The following TGS1 variants were observed in gnomAD, a reference collection of about 807,000 sequenced individuals.
TGS1 encodes trimethylguanosine synthase 1.
TGS1 carries 69 observed loss-of-function variants against 92.2 expected under a neutral mutation model. That is an observed-to-expected ratio of 0.75 (90% CI 0.62 to 0.91). TGS1 has a LOEUF of 0.91. Ranked by LOEUF, TGS1 falls within the 40% of genes least tolerant of loss-of-function variation. TGS1 has a pLI of 0.00. For missense variants in TGS1, 1,062 were observed against 1,001.2 expected, an observed-to-expected ratio of 1.06 and a Z score of -0.82; for synonymous variants, 345 against 338.1, an observed-to-expected ratio of 1.02 and a Z score of -0.22.
intron 12 of TGS1, among the ~76,000 whole-genome samples, chr8:55,814,671 A>AT (rs1563469575): frequency 5.1e-4 from 69 of 134,788 alleles, no homozygotes; most frequent in African/African-American, 2.0e-3. Flanking sequence ...AAAAAAAAAA[A>AT]AAAATATATA....
intron 1 of TGS1, among the ~76,000 whole-genome samples, chr8:55,776,880 T>G (rs753832121): frequency 3.3e-5 from 5 of 152,218 alleles, no homozygotes; most frequent in African/African-American, 4.8e-5. Flanking sequence ...CATTTGGGAC[T>G]TGTCTTCAAC....
At chr8:55,779,909 C>CT (rs1393209093) in intron 1 of TGS1, among the ~76,000 whole-genome samples, 3 of 145,192 alleles carry the variant, frequency 2.1e-5, no homozygotes, top group Non-Finnish European at 4.5e-5. Context: ...GAGTCTTGCT[C>CT]TGTCGCCCAG....
chr8:55,820,410 C>G (rs532000026), intron 12 of TGS1, among the ~76,000 whole-genome samples: 1 of 151,918 alleles, frequency 6.6e-6, no homozygotes, highest in Admixed American at 6.6e-5. Context: ...TAGCCAGGTG[C>G]GCCAGTAATC....
intron 10 of TGS1, among the ~76,000 whole-genome samples, chr8:55,807,804 C>T (rs886494091): frequency 2.6e-5 from 4 of 152,064 alleles, no homozygotes; most frequent in Admixed American, 2.0e-4. Context: ...GCTGGAATTA[C>T]AGGCATGAGC....
intron 10 of TGS1, among the ~76,000 whole-genome samples, chr8:55,807,911 T>G (rs561054809): frequency 6.6e-6 from 1 of 152,340 alleles, no homozygotes; most frequent in East Asian, 1.9e-4. Flanking sequence ...AATGATAGTT[T>G]CATTTCAACA....
chr8:55,820,538 AAAAAC>A (rs1439965116), intron 12 of TGS1, among the ~76,000 whole-genome samples: 2 of 152,158 alleles, frequency 1.3e-5, no homozygotes, highest in Non-Finnish European at 2.9e-5. Flanking sequence ...ACTCGTCTCA[AAAAAC>A]AAAACAAAAC....
At chr8:55,809,775 A>G (rs930633256) in intron 10 of TGS1, among the ~76,000 whole-genome samples, 7 of 152,214 alleles carry the variant, frequency 4.6e-5, no homozygotes, top group African/African-American at 1.4e-4. Context: ...TTCCATTCTT[A>G]TTAGGCCTAA....
intron 12 of TGS1, among the ~76,000 whole-genome samples, chr8:55,816,330 A>G (rs1169691387): frequency 6.6e-6 from 1 of 152,188 alleles, no homozygotes; most frequent in African/African-American, 2.4e-5. Context: ...CCAAAGGAAG[A>G]TGCAGGCAGC....
At position 55,792,286 on chromosome 8, in the gene TGS1, A is replaced by T. The variant is rs550918007; in HGVS notation, c.1281-412A>T. Reference sequence around the variant, plus strand: ...TTTTTAGTAATTTTTTTCTTTTAAAATTTTTTTGGATTGTATTGATACTTA... The same window carrying T: ...TTTTTAGTAATTTTTTTCTTTTAAATTTTTTTTGGATTGTATTGATACTTA... On this transcript the variant is annotated intron_variant, in intron 5 of 12. Coordinates refer to ENST00000260129, the MANE Select transcript of TGS1 (RefSeq NM_024831.8). 1.6e-3 allele frequency among the ~76,000 whole-genome samples: 236 copies of T among 152,160 alleles called. 1 individual carries two copies. Among genetic ancestry groups the T allele is most frequent in the African/African-American group, 5.2e-3 (217 of 41,544 alleles).
Position 55,825,358 on chromosome 8 carries a change from T to A in TGS1, c.*655T>A, listed in dbSNP as rs948497123. Reference sequence around the variant, plus strand: ...TTAACACCCTTTTATAAAGTTTGTGTTTGTAAAATTTCCATTGTGACATCA... The same window carrying A: ...TTAACACCCTTTTATAAAGTTTGTGATTGTAAAATTTCCATTGTGACATCA... On this transcript the variant is annotated 3_prime_UTR_variant, in exon 13 of 13. Transcript: ENST00000260129. 15 of 152,252 alleles carry A rather than the reference T, an allele frequency of 9.9e-5. No individual in the cohort carries two copies. Among genetic ancestry groups the A allele is most frequent in the Admixed American group, 8.5e-4 (13 of 15,284 alleles). The allele number at this position is 152,252 out of a possible 1,614,324, so 9.4% of individuals were successfully genotyped here.
In TGS1 at chr8:55,814,672, AAAAT is replaced by A. The variant is rs1167369416; in HGVS notation, c.2439+1556_2439+1559del. Among the ~76,000 whole-genome samples the A allele has an allele frequency of 2.7e-3, 344 of 126,852 alleles. 4 individuals are homozygous for A. The highest frequency in any genetic ancestry group is 0.01 in the African/African-American group (301 of 29,658). The allele number at this position is 126,852 out of a possible 152,430, so 83.2% of individuals were successfully genotyped here. On this transcript the variant is annotated intron_variant, in intron 12 of 12. Transcript: ENST00000260129. Reference sequence around the variant, plus strand: ...CCCGTCTCTACTTAAAAAAAAAAAAAAAATATATATATATATATATATATATGTA... The same window carrying A: ...CCCGTCTCTACTTAAAAAAAAAAAAAATATATATATATATATATATATGTA...
chr8:55,776,800 CT>C (rs1236455089), intron 1 of TGS1, among the ~76,000 whole-genome samples: 4 of 152,138 alleles, frequency 2.6e-5, no homozygotes, highest in African/African-American at 9.7e-5. Flanking sequence ...ACATTTTGTA[CT>C]GACAGAGACT....
In TGS1 at chr8:55,792,709, A is replaced by C; in HGVS notation, c.1292A>C (p.Asp431Ala). The C allele has an allele frequency of 6.2e-7, 1 of 1,613,216 alleles. No individual in the cohort carries two copies. ...PSKLKRSHEL[D>A]IDENPASDFD... The stretch of plus-strand genomic sequence containing the variant: ...TTTTCTTTATTTAGCCATGAACTGG[A>C]CATTGATGAAAACCCAGCTTCAGAC... The change falls in exon 6 of 13, where the codon GAC (aspartate) becomes GCC (alanine). Residue 431 changes from aspartate to alanine, a missense_variant. By Grantham distance (126) the Asp-to-Ala change is moderately radical. Transcript: ENST00000260129.
rs1195793916 is a variant in TGS1 at position 55,786,458 on chromosome 8, CATT to C, written c.563_565del (p.Leu188del). 1 of 1,613,800 alleles carries C rather than the reference CATT, an allele frequency of 6.2e-7. No individual in the cohort carries two copies. The highest frequency in any genetic ancestry group is 8.5e-7 in the Non-Finnish European group (1 of 1,179,944). On this transcript the variant is annotated inframe_deletion, in exon 4 of 13. Coordinates refer to ENST00000260129, the MANE Select transcript of TGS1 (RefSeq NM_024831.8). Reference sequence around the variant, plus strand: ...ACAGAAAATCCTCCAGTTGAAAACACATTATCTCCAAAGCTAGAAATTACAGAG... The same window carrying C: ...ACAGAAAATCCTCCAGTTGAAAACACATCTCCAAAGCTAGAAATTACAGAG...
chr8:55,779,165 A>T (rs1000122013), intron 1 of TGS1, among the ~76,000 whole-genome samples: 4 of 152,256 alleles, frequency 2.6e-5, no homozygotes, highest in African/African-American at 9.6e-5. Flanking sequence ...AATCAAACTC[A>T]AAGACAGCTT....
At chr8:55,796,860 G>A (rs1242704813) in intron 7 of TGS1, among the ~76,000 whole-genome samples, 3 of 151,696 alleles carry the variant, frequency 2.0e-5, no homozygotes, top group Admixed American at 6.6e-5. Flanking sequence ...GCATGATGGC[G>A]GGTGCCTGTA....
At chr8:55,810,605 G>A (rs1374274590) in intron 10 of TGS1, among the ~76,000 whole-genome samples, 1 of 152,202 alleles carries the variant, frequency 6.6e-6, no homozygotes, top group African/African-American at 2.4e-5. Context: ...TAGATATTTT[G>A]TGGCAAGTAT....
In TGS1 at chr8:55,774,080, C is replaced by A. The variant is rs116787738; in HGVS notation, c.101+361C>A. On this transcript the variant is annotated intron_variant, in intron 1 of 12. Coordinates refer to ENST00000260129, the MANE Select transcript of TGS1 (RefSeq NM_024831.8). Reference sequence around the variant, plus strand: ...TGAAAGTTTAAAGTTGAGTGACTTGCTTTGGTTAACGTCTTTTTTTAAACC... The same window carrying A: ...TGAAAGTTTAAAGTTGAGTGACTTGATTTGGTTAACGTCTTTTTTTAAACC... 2.4e-3 allele frequency among the ~76,000 whole-genome samples: 359 copies of A among 152,276 alleles called. 3 individuals carry two copies. Among genetic ancestry groups the A allele is most frequent in the African/African-American group, 8.3e-3 (344 of 41,564 alleles).
chr8:55,791,851 A>T (rs1424611659), intron 5 of TGS1, among the ~76,000 whole-genome samples: 1 of 152,216 alleles, frequency 6.6e-6, no homozygotes, highest in South Asian at 2.1e-4. Context: ...AGAATAATGT[A>T]AGGTGGGATG....
Sources: gnomAD v4.1 joint callset for allele counts (sites outside exome capture counted in the v4.1 genomes callset) on GRCh38, gnomAD v4.1.1 for gene constraint, MANE v1.5 for transcripts, NCBI Gene and HGNC (gene_info 2026-07-23, HGNC 2026-07-21) for gene names.